The following DEGS1 variants were observed in gnomAD, a reference collection of about 807,000 sequenced individuals.
DEGS1 encodes the protein delta 4-desaturase, sphingolipid 1.
A neutral mutation model predicts 24.1 loss-of-function variants in DEGS1; 17 were observed. That is an observed-to-expected ratio of 0.70 (90% CI 0.48 to 1.06). The LOEUF is 1.06. Ranked by LOEUF, DEGS1 falls within the 50% of genes least tolerant of loss-of-function variation. The pLI, the probability that DEGS1 is intolerant of heterozygous loss-of-function variation, is 0.00. For synonymous variants in DEGS1, 134 were observed against 140.0 expected (o/e 0.96, Z 0.30); for missense variants, 366 against 408.9 (o/e 0.90, Z 0.91).
intron 1 of DEGS1, among the ~76,000 whole-genome samples, chr1:224,186,047 C>T (rs769236897): frequency 6.6e-6 from 1 of 152,052 alleles, no homozygotes; most frequent in African/African-American, 2.4e-5. Context: ...GCGTGCATGC[C>T]TGTCCCGCTA....
Position 224,183,400 on chromosome 1 carries a change from C to A in DEGS1, c.64C>A (p.Arg22=). ...CTACACCGACCAGCCGCACGCCGAC[C>A]GGCGCCGGGAGATCCTGGGTGAGGG... ...WVYTDQPHAD[R]RREILAKYPE... is the part of the protein sequence containing the mutation. Residue 22 remains arginine, a synonymous_variant, in exon 1 of 3, where the codon CGG becomes AGG. Transcript: ENST00000323699. The A allele has an allele frequency of 7.0e-7, 1 of 1,428,714 alleles. No homozygotes were observed. The highest frequency in any genetic ancestry group is 9.2e-7 in the Non-Finnish European group (1 of 1,081,220). 88.5% of individuals were successfully genotyped at this position (1,428,714 alleles called of 1,614,324 possible).
In DEGS1 at chr1:224,185,725, C is replaced by T. The variant is rs551586896; in HGVS notation, c.82+2307C>T. Among the ~76,000 whole-genome samples, 75 of 152,240 alleles carry T rather than the reference C, an allele frequency of 4.9e-4. 1 individual carries two copies. Among genetic ancestry groups the T allele is most frequent in the Admixed American group, 3.7e-3 (57 of 15,294 alleles). On this transcript the variant is annotated intron_variant, in intron 1 of 2. Coordinates refer to ENST00000323699, the MANE Select transcript of DEGS1 (RefSeq NM_003676.4). ...GTTTTGCCACATTGGCCAGGCTGGT[C>T]TCAGATGATGCGCCTGCCATGGCCT...
chr1:224,187,445 A>T (rs1395939447), intron 1 of DEGS1, among the ~76,000 whole-genome samples: 1 of 151,980 alleles, frequency 6.6e-6, no homozygotes, highest in Non-Finnish European at 1.5e-5. Context: ...TGTGATCATA[A>T]ATTCTTGGGC....
chr1:224,188,925 A>G (rs1658462043), intron 1 of DEGS1, among the ~76,000 whole-genome samples: 1 of 152,182 alleles, frequency 6.6e-6, no homozygotes, highest in Non-Finnish European at 1.5e-5. Flanking sequence ...TTCTTATCAG[A>G]GTTTTATAAT....
In DEGS1 at chr1:224,189,863, C is replaced by T. The variant is rs1658489033; in HGVS notation, c.369C>T (p.Ser123=). 6.2e-7 allele frequency: 1 copy of T among 1,614,176 alleles called. No individual in the cohort carries two copies. The highest frequency in any genetic ancestry group is 8.5e-7 in the Non-Finnish European group (1 of 1,180,032). ...CTATTGGGATTCCATATTCAATTTC[C>T]TTTAAGAGGTATCACATGGATCATC... ...NLPIGIPYSI[S]FKRYHMDHHR... Residue 123 remains serine, a synonymous_variant, in exon 2 of 3, where the codon TCC becomes TCT. Transcript: ENST00000323699.
chr1:224,184,558 C>T (rs1266955152), intron 1 of DEGS1, among the ~76,000 whole-genome samples: 1 of 152,042 alleles, frequency 6.6e-6, no homozygotes, highest in Non-Finnish European at 1.5e-5. Context: ...GTTGCTCATG[C>T]TGGAGTGCAG....
At position 224,189,765 on chromosome 1, in the gene DEGS1, A is replaced by G; in HGVS notation, c.271A>G (p.Ile91Val). The G allele has an allele frequency of 6.2e-7, 1 of 1,614,180 alleles. No homozygotes were observed. Among genetic ancestry groups the G allele is most frequent in the Non-Finnish European group, 8.5e-7 (1 of 1,180,026 alleles). ...NHSMTLAIHE[I>V]AHNAAFGNCK... is the part of the protein sequence containing the mutation. ...CTCAATGACTCTGGCTATTCATGAG[A>G]TTGCCCACAATGCTGCCTTTGGCAA... is the stretch of plus-strand genomic sequence containing the variant. The change falls in exon 2 of 3, where the codon ATT becomes GTT. Residue 91 changes from isoleucine to valine, a missense_variant. Coordinates refer to ENST00000323699, the MANE Select transcript of DEGS1 (RefSeq NM_003676.4).
Position 224,190,253 on chromosome 1 carries a change from C to A in DEGS1, c.759C>A (p.Thr253=), listed in dbSNP as rs759023173. The A allele has an allele frequency of 3.4e-5, 51 of 1,513,848 alleles. No homozygotes were observed. In the Admixed American group the frequency reaches 1.1e-3, roughly 34 times the overall value. 93.8% of individuals were successfully genotyped at this position (1,513,848 alleles called of 1,614,324 possible). ...YSYYGPLNLL[T]FNVGYHNEHH... is the part of the protein sequence containing the mutation. ...ATTATGGGCCTCTGAATTTACTTACCTTCAATGTGGGTTATCATAATGAAC... is the reference window on the plus strand; with the variant it reads ...ATTATGGGCCTCTGAATTTACTTACATTCAATGTGGGTTATCATAATGAAC... The change falls in exon 2 of 3, where the codon ACC becomes ACA. Residue 253 remains threonine, a synonymous_variant. Transcript: ENST00000323699.
intron 1 of DEGS1, among the ~76,000 whole-genome samples, chr1:224,187,392 TGA>T (rs368208961): frequency 2.6e-5 from 4 of 152,272 alleles, no homozygotes; most frequent in African/African-American, 9.6e-5. Flanking sequence ...TTTTATTTTT[TGA>T]GAGAGAGTCT....
Position 224,190,230 on chromosome 1 carries a change from T to G in DEGS1, c.736T>G (p.Tyr246Asp). The change falls in exon 2 of 3, where the codon TAT becomes GAT. Residue 246 changes from tyrosine to aspartate, a missense_variant. Physicochemically the swap from Tyr to Asp is radical, Grantham distance 160. Transcript: ENST00000323699. Reference sequence around the variant, plus strand: ...AAAGGGTCATGAAACTTACTCATATTATGGGCCTCTGAATTTACTTACCTT... The same window carrying G: ...AAAGGGTCATGAAACTTACTCATATGATGGGCCTCTGAATTTACTTACCTT... ...FLKGHETYSY[Y>D]GPLNLLTFNV... The G allele has an allele frequency of 6.6e-7, 1 of 1,519,624 alleles. No homozygotes were observed. Among genetic ancestry groups the G allele is most frequent in the Non-Finnish European group, 8.8e-7 (1 of 1,137,030 alleles). The allele number at this position is 1,519,624 out of a possible 1,614,324, so 94.1% of individuals were successfully genotyped here. A position where few individuals can be genotyped will look rare whatever the true frequency, so the allele number is the denominator to read the frequency against.
At chr1:224,186,463 C>T (rs1022386972) in intron 1 of DEGS1, among the ~76,000 whole-genome samples, 17 of 152,140 alleles carry the variant, frequency 1.1e-4, no homozygotes, top group African/African-American at 4.1e-4. Flanking sequence ...CCTGTAATCC[C>T]AGCACTTTAG....
rs1558210528 is a variant in DEGS1 at position 224,190,611 on chromosome 1, AAAC to A, written c.825+295_825+297del. Among the ~76,000 whole-genome samples, 8 of 150,492 alleles carry A rather than the reference AAAC, an allele frequency of 5.3e-5. 1 individual carries two copies. Among genetic ancestry groups the A allele is most frequent in the African/African-American group, 2.0e-4 (8 of 40,178 alleles). ...CCAAGCAGTTCATTAAAAAAAAAAA[AAAC>A]AAAAAGAGCAAGAATATAAATACTG... On this transcript the variant is annotated intron_variant, in intron 2 of 2. Transcript: ENST00000323699.
chr1:224,189,709 G>A lies in DEGS1; in HGVS notation c.215G>A (p.Gly72Glu), dbSNP rs751228895. The A allele has an allele frequency of 1.2e-6, 2 of 1,614,120 alleles. No homozygotes were observed. Among genetic ancestry groups the A allele is most frequent in the South Asian group, 2.2e-5 (2 of 91,080 alleles). Residue 72 changes from glycine to glutamate, a missense_variant, in exon 2 of 3, where the codon GGG becomes GAG. Physicochemically the swap from Gly to Glu is moderately conservative, Grantham distance 98. Coordinates refer to ENST00000323699, the MANE Select transcript of DEGS1 (RefSeq NM_003676.4). Reference protein sequence around the residue: ...KDLDWKWVIFGAYAFGSCINH... With the variant: ...KDLDWKWVIFEAYAFGSCINH... Reference sequence around the variant, plus strand: ...TTGGACTGGAAATGGGTCATATTTGGGGCCTATGCGTTTGGCAGTTGCATT... The same window carrying A: ...TTGGACTGGAAATGGGTCATATTTGAGGCCTATGCGTTTGGCAGTTGCATT...
chr1:224,192,213 AGGAG>A, intron 2 of DEGS1, 115 bp from the exon 3 acceptor site: 2 of 696,432 alleles, frequency 2.9e-6, no homozygotes, highest in South Asian at 2.3e-5. Flanking sequence ...TTTAAGAGAG[AGGAG>A]GGAGGCAGGT....
At position 224,192,332 on chromosome 1, in the gene DEGS1, G is replaced by T; in HGVS notation, c.826G>T (p.Val276Leu). The T allele has an allele frequency of 6.2e-7, 1 of 1,607,864 alleles. No homozygotes were observed. Among genetic ancestry groups the T allele is most frequent in the Non-Finnish European group, 8.5e-7 (1 of 1,178,474 alleles). Residue 276 changes from valine to leucine, a missense_variant and splice_region_variant, in exon 3 of 3, where the codon GTG (valine) becomes TTG (leucine). Physicochemically the swap from Val to Leu is conservative, Grantham distance 32 (BLOSUM62 1). Transcript: ENST00000323699. ...PNIPGKSLPLVRKIAAEYYDN... is the reference protein window; with the variant it reads ...PNIPGKSLPLLRKIAAEYYDN... ...TCTTGCTGTATTTTTTCCCTTCTAG[G>T]TGAGGAAAATAGCAGCTGAATACTA...
Position 224,192,648 on chromosome 1 carries a change from C to A in DEGS1, c.*170C>A. 1 of 583,516 alleles carries A rather than the reference C, an allele frequency of 1.7e-6. No homozygotes were observed. The highest frequency in any genetic ancestry group is 2.9e-6 in the Non-Finnish European group (1 of 342,386). 36.1% of individuals were successfully genotyped at this position (583,516 alleles called of 1,614,324 possible). On this transcript the variant is annotated 3_prime_UTR_variant, in exon 3 of 3. Coordinates refer to ENST00000323699, the MANE Select transcript of DEGS1 (RefSeq NM_003676.4). Reference sequence around the variant, plus strand: ...TCTGGCTTTTAAACAGTCAGCCTGACTCTGTACTGCTCAGTTTCACTCACA... The same window carrying A: ...TCTGGCTTTTAAACAGTCAGCCTGAATCTGTACTGCTCAGTTTCACTCACA...
rs1658502156 is a variant in DEGS1 at position 224,190,197 on chromosome 1, A to G, written c.703A>G (p.Met235Val). The G allele has an allele frequency of 6.4e-7, 1 of 1,552,532 alleles. No individual in the cohort carries two copies. Among genetic ancestry groups the G allele is most frequent in the Non-Finnish European group, 8.7e-7 (1 of 1,153,798 alleles). Residue 235 changes from methionine to valine, a missense_variant, in exon 2 of 3, where the codon ATG becomes GTG. Coordinates refer to ENST00000323699, the MANE Select transcript of DEGS1 (RefSeq NM_003676.4). ...TGGACATTTTATAGCTGAGCATTAC[A>G]TGTTCTTAAAGGGTCATGAAACTTA... ...ISGHFIAEHY[M>V]FLKGHETYSY...
At chr1:224,189,553 T>C (rs367560433) in intron 1 of DEGS1, 24 bp from the exon 2 acceptor site, 2 of 1,528,202 alleles carry the variant, frequency 1.3e-6, no homozygotes, top group South Asian at 1.3e-5. Context: ...TCTTAGTTCC[T>C]GTTTTTTTGT....
chr1:224,186,438 GCA>G (rs1337703284), intron 1 of DEGS1, among the ~76,000 whole-genome samples: 3 of 152,152 alleles, frequency 2.0e-5, no homozygotes, highest in Non-Finnish European at 4.4e-5. Context: ...TCTTGGCCGG[GCA>G]TGGTGGCTCA....
Sources: gnomAD v4.1 joint callset for allele counts (sites outside exome capture counted in the v4.1 genomes callset) on GRCh38, gnomAD v4.1.1 for gene constraint, MANE v1.5 for transcripts, NCBI Gene and HGNC (gene_info 2026-07-23, HGNC 2026-07-21) for gene names.